The following PKD1L3 variants were observed in gnomAD, a reference collection of about 807,000 sequenced individuals.
The protein encoded by PKD1L3 is polycystin 1 like 3, transient receptor potential channel interacting.
A neutral mutation model predicts 184.1 loss-of-function variants in PKD1L3; 239 were observed. The ratio of observed to expected loss-of-function variants is 1.30; its 90% CI spans 1.17 to 1.45. The LOEUF (loss-of-function observed/expected upper bound fraction) is 1.45, where lower values mean the gene tolerates loss of function less well. Ranked by LOEUF, PKD1L3 falls within the 40% of genes most tolerant of loss-of-function variation. The pLI is 0.00. For synonymous variants in PKD1L3, 996 were observed against 778.8 expected, an observed-to-expected ratio of 1.28 and a Z score of -4.64; for missense variants, 2,660 against 2,067.2, an observed-to-expected ratio of 1.29 and a Z score of -5.56.
At chr16:71,939,819 T>C (rs1381645394) in intron 24 of PKD1L3, among the ~76,000 whole-genome samples, 1 of 152,120 alleles carries the variant, frequency 6.6e-6, no homozygotes, top group African/African-American at 2.4e-5. Context: ...AATGGACCAG[T>C]TTAACTCCAA....
At chr16:71,938,266 C>T (rs2038246880) in intron 24 of PKD1L3, among the ~76,000 whole-genome samples, 2 of 152,240 alleles carry the variant, frequency 1.3e-5, no homozygotes, top group Admixed American at 6.5e-5. Flanking sequence ...GCGCTTGGGG[C>T]AGTGCTGACA....
intron 5 of PKD1L3, 43 bp downstream of exon 5, chr16:71,986,177 TG>T (rs1209453543): frequency 6.5e-7 from 1 of 1,544,784 alleles, no homozygotes; most frequent in Non-Finnish European, 8.8e-7. Context: ...AAGTACTTTT[TG>T]GGGGTCACAA....
rs2038141990 is a variant in PKD1L3 at position 71,935,439 on chromosome 16, C to T, written c.4532G>A (p.Ser1511Asn). The change falls in exon 26 of 30, where the codon AGC becomes AAC. Residue 1511 changes from serine (S) to asparagine (N), a missense_variant. By Grantham distance (46) the Ser-to-Asn change is conservative (BLOSUM62 1). Transcript: ENST00000620267. ...NILDTSIILI[S>N]FILLGLDMKS... Reference sequence around the variant, plus strand: ...CATGTCAAGCCCCAGGAGGATGAAGCTAATGAGGATTATACTTGTGTCCAG... The same window carrying T: ...CATGTCAAGCCCCAGGAGGATGAAGTTAATGAGGATTATACTTGTGTCCAG... 7.1e-6 allele frequency: 11 copies of T among 1,552,032 alleles called. No individual in the cohort carries two copies. The East Asian group carries it at 2.4e-4, about 34-fold the overall frequency.
intron 15 of PKD1L3, among the ~76,000 whole-genome samples, chr16:71,964,162 C>T (rs894216780): frequency 6.6e-6 from 1 of 152,050 alleles, no homozygotes; most frequent in African/African-American, 2.4e-5. Flanking sequence ...GCCGTTCACA[C>T]CCCTGTCCTC....
intron 11 of PKD1L3, 67 bp from the exon 12 acceptor site, chr16:71,973,584 T>A: frequency 7.5e-7 from 1 of 1,327,688 alleles, no homozygotes; most frequent in Non-Finnish European, 1.0e-6. Flanking sequence ...ACCTCTCTTC[T>A]AAAGGATCTA....
intron 16 of PKD1L3, among the ~76,000 whole-genome samples, chr16:71,959,340 G>T (rs945449852): frequency 1.3e-5 from 2 of 152,090 alleles, no homozygotes; most frequent in African/African-American, 4.8e-5. Context: ...AACCTGGGAG[G>T]TGGAGGTTGT....
chr16:71,940,719 C>T (rs2038332834), intron 24 of PKD1L3, among the ~76,000 whole-genome samples: 1 of 152,090 alleles, frequency 6.6e-6, no homozygotes, highest in Non-Finnish European at 1.5e-5. Context: ...AGGCTAGTCT[C>T]AAACTCCTGA....
Position 71,981,966 on chromosome 16 carries a change from C to A in PKD1L3, c.1143+93G>T, listed in dbSNP as rs961586824. On this transcript the variant is annotated intron_variant, in intron 7 of 29. Coordinates refer to ENST00000620267, the MANE Select transcript of PKD1L3 (RefSeq NM_181536.2). The stretch of plus-strand genomic sequence containing the variant: ...GCAGCAGAAACTTCAGCAAGATTAT[C>A]TTTAAAGGTCTGGGGAGAGGCTGTG... The A allele has an allele frequency of 2.6e-5, 33 of 1,286,212 alleles. No individual in the cohort carries two copies. In the East Asian group the frequency reaches 8.4e-4, roughly 33 times the overall value. 79.7% of individuals were successfully genotyped at this position (1,286,212 alleles called of 1,614,324 possible).
intron 24 of PKD1L3, among the ~76,000 whole-genome samples, chr16:71,941,079 C>T (rs1178953239): frequency 2.0e-5 from 3 of 152,052 alleles, no homozygotes; most frequent in Non-Finnish European, 4.4e-5. Flanking sequence ...CTCAAGTGAT[C>T]TTCCTGCCTT....
intron 18 of PKD1L3, among the ~76,000 whole-genome samples, chr16:71,952,369 C>T (rs1238131643): frequency 1.3e-5 from 2 of 151,372 alleles, no homozygotes; most frequent in African/African-American, 4.8e-5. Flanking sequence ...CATGCCATCA[C>T]GCCTGGCTAA....
intron 19 of PKD1L3, 34 bp from the exon 20 acceptor site, chr16:71,950,344 G>A (rs1445553907): frequency 7.4e-6 from 11 of 1,481,074 alleles, no homozygotes; most frequent in Non-Finnish European, 4.5e-6. Context: ...ACTTTCACAA[G>A]TGGATTTCAA....
At chr16:71,948,589 G>A (rs1349693613) in intron 21 of PKD1L3, among the ~76,000 whole-genome samples, 1 of 152,074 alleles carries the variant, frequency 6.6e-6, no homozygotes, top group East Asian at 1.9e-4. Flanking sequence ...GAAGTTGCAG[G>A]TTGTCACTAC....
chr16:71,981,428 G>C (rs151275222), intron 7 of PKD1L3, among the ~76,000 whole-genome samples: 5 of 150,810 alleles, frequency 3.3e-5, no homozygotes, highest in South Asian at 2.1e-4. Context: ...TCTCATTTTA[G>C]TTTTGATTTG....
chr16:71,975,432 T>C (rs190638858), intron 11 of PKD1L3, among the ~76,000 whole-genome samples: 1 of 152,260 alleles, frequency 6.6e-6, no homozygotes, highest in East Asian at 1.9e-4. Context: ...ATTCTGATTT[T>C]ATACCAAGGC....
intron 4 of PKD1L3, among the ~76,000 whole-genome samples, 192 bp downstream of exon 4, chr16:71,990,084 CCAAA>C (rs2040528985): frequency 1.1e-5 from 1 of 91,068 alleles, no homozygotes. Context: ...GTCTCTCCCA[CCAAA>C]AAAAAAAAAA....
In PKD1L3 at chr16:71,950,269, T is replaced by A; in HGVS notation, c.3232A>T (p.Arg1078Ter). 1 of 1,547,612 alleles carries A rather than the reference T, an allele frequency of 6.5e-7. No homozygotes were observed. Reference protein sequence around the residue: ...NHHHFCCYLHRVLQRLKSHLG... With the variant: ...NHHHFCCYLH Reference sequence around the variant, plus strand: ...TGAGATTTCAGCCTCTGCAGAACTCTATGCAGGTAACAGCAGAAATGATGG... The same window carrying A: ...TGAGATTTCAGCCTCTGCAGAACTCAATGCAGGTAACAGCAGAAATGATGG... The change falls in exon 20 of 30, where the codon AGA becomes TGA. Residue 1078 changes from arginine to a stop codon, truncating the protein, a stop_gained. Coordinates refer to ENST00000620267, the MANE Select transcript of PKD1L3 (RefSeq NM_181536.2). LOFTEE classifies it high-confidence loss of function.
At chr16:71,986,113 T>C in intron 5 of PKD1L3, 108 bp downstream of exon 5, 1 of 1,387,844 alleles carries the variant, frequency 7.2e-7, no homozygotes, top group South Asian at 1.4e-5. Context: ...GCATATACGC[T>C]GGTCTGTCAG....
intron 2 of PKD1L3, among the ~76,000 whole-genome samples, chr16:71,995,519 T>C (rs1474076287): frequency 6.6e-6 from 1 of 152,216 alleles, no homozygotes; most frequent in Non-Finnish European, 1.5e-5. Flanking sequence ...TACGTGTATG[T>C]ATACAGGCAA....
At chr16:71,983,663 C>CTTTTT (rs1180950058) in intron 6 of PKD1L3, among the ~76,000 whole-genome samples, 14 of 100,304 alleles carry the variant, frequency 1.4e-4, no homozygotes, top group African/African-American at 2.3e-4. Context: ...GATTCTCTTT[C>CTTTTT]TTTTTTTTTT....
Sources: allele counts gnomAD v4.1 joint callset (sites outside exome capture counted in the v4.1 genomes callset), GRCh38; gene constraint gnomAD v4.1.1; transcripts MANE v1.5; gene names NCBI Gene and HGNC (gene_info 2026-07-23, HGNC 2026-07-21).